Variants in SGCZ observed in about 807,000 individuals in gnomAD.
SGCZ encodes sarcoglycan zeta.
A neutral mutation model predicts 41.3 loss-of-function variants in SGCZ; 40 were observed. That is an observed-to-expected ratio of 0.97 (90% confidence interval 0.75 to 1.26). The LOEUF is 1.26. Among genes scored for constraint, SGCZ ranks in the 50% most tolerant of loss-of-function variants. The pLI, the probability that SGCZ is intolerant of heterozygous loss-of-function variation, is 0.00. For synonymous variants in SGCZ, 206 were observed against 137.5 expected (o/e 1.50, Z -3.49); for missense variants, 552 against 369.8 (o/e 1.49, Z -4.04).
In SGCZ at chr8:14,651,905, A is replaced by G. The variant is rs550923306; in HGVS notation, c.40-96979T>C. The stretch of plus-strand genomic sequence containing the variant: ...GAGAGTCAGCATATTGTTCTGGGGG[A>G]AAAAAAGTATATCTTTGTGCTAAGA... On this transcript the variant is annotated intron_variant, in intron 1 of 7. Coordinates refer to ENST00000382080, the MANE Select transcript of SGCZ (RefSeq NM_139167.4). Among the ~76,000 whole-genome samples, 12 of 151,910 alleles carry G rather than the reference A, an allele frequency of 7.9e-5. No homozygotes were observed. The East Asian group carries it at 1.2e-3, about 15-fold the overall frequency.
intron 2 of SGCZ, among the ~76,000 whole-genome samples, chr8:14,527,454 C>T (rs749363244): frequency 2.6e-5 from 4 of 152,076 alleles, no homozygotes; most frequent in Non-Finnish European, 5.9e-5. Context: ...GATGTTGCCA[C>T]CACACCCTTG....
intron 2 of SGCZ, among the ~76,000 whole-genome samples, chr8:14,332,997 T>C (rs2117056062): frequency 6.6e-6 from 1 of 151,514 alleles, no homozygotes; most frequent in Middle Eastern, 3.4e-3. Context: ...AGCTATTCAA[T>C]CCAGTAGGAA....
chr8:15,062,329 T>C (rs1400905852), intron 1 of SGCZ, among the ~76,000 whole-genome samples: 4 of 152,186 alleles, frequency 2.6e-5, no homozygotes, highest in Non-Finnish European at 4.4e-5. Context: ...AAGCCTCTTC[T>C]TCTATTAAAA....
intron 2 of SGCZ, among the ~76,000 whole-genome samples, chr8:14,451,581 C>A (rs1024852666): frequency 6.6e-6 from 1 of 152,052 alleles, no homozygotes; most frequent in African/African-American, 2.4e-5. Flanking sequence ...AAAGTATTTG[C>A]AAAAGACAGA....
chr8:15,101,154 A>C (rs564595570), intron 1 of SGCZ, among the ~76,000 whole-genome samples: 1 of 152,326 alleles, frequency 6.6e-6, no homozygotes, highest in African/African-American at 2.4e-5. Flanking sequence ...CATCTAAAAA[A>C]TAATACAGGA....
intron 5 of SGCZ, among the ~76,000 whole-genome samples, chr8:14,136,536 C>G (rs966906149): frequency 2.0e-5 from 3 of 152,178 alleles, no homozygotes; most frequent in African/African-American, 7.2e-5. Context: ...ACCCAAAGAG[C>G]CTTGCTCACT....
Position 14,090,625 on chromosome 8 carries a change from C to A in SGCZ, c.757G>T (p.Ala253Ser). Residue 253 changes from alanine (A) to serine (S), a missense_variant, in exon 8 of 8, where the codon GCA becomes TCA. Coordinates refer to ENST00000382080, the MANE Select transcript of SGCZ (RefSeq NM_139167.4). ...AGATTTCCCAGCTTGATTGTCTCTG[C>A]ATTTAAAAATATCTATGGGAAAAAA... The part of the protein sequence containing the change: ...QSTEGEIFLN[A>S]ETIKLGNLPT... The A allele has an allele frequency of 6.2e-7, 1 of 1,608,158 alleles. No individual in the cohort carries two copies. The highest frequency in any genetic ancestry group is 8.5e-7 in the Non-Finnish European group (1 of 1,178,248).
At chr8:14,510,819 G>A (rs905159265) in intron 2 of SGCZ, among the ~76,000 whole-genome samples, 4 of 152,014 alleles carry the variant, frequency 2.6e-5, no homozygotes, top group African/African-American at 7.2e-5. Context: ...TAAATAAAAA[G>A]CTAAATAAGC....
intron 1 of SGCZ, among the ~76,000 whole-genome samples, chr8:15,018,125 A>C (rs1304200951): frequency 2.0e-5 from 3 of 152,110 alleles, no homozygotes; most frequent in African/African-American, 7.2e-5. Flanking sequence ...TTAATTATAC[A>C]TATTCTACCC....
At chr8:14,485,869 C>T (rs1313982278) in intron 2 of SGCZ, among the ~76,000 whole-genome samples, 1 of 115,396 alleles carries the variant, frequency 8.7e-6, no homozygotes, top group Non-Finnish European at 1.7e-5. Context: ...GAGTCTCGCT[C>T]TGTCGCCCAG....
At chr8:14,969,130 G>C (rs1431464953) in intron 1 of SGCZ, among the ~76,000 whole-genome samples, 3 of 152,106 alleles carry the variant, frequency 2.0e-5, no homozygotes, top group South Asian at 2.1e-4. Flanking sequence ...ACTAAAATGA[G>C]ATTGCCTGTC....
chr8:14,390,288 A>C (rs1804723504), intron 2 of SGCZ, among the ~76,000 whole-genome samples: 1 of 151,892 alleles, frequency 6.6e-6, no homozygotes, highest in Non-Finnish European at 1.5e-5. Flanking sequence ...ATTTGTTTCT[A>C]ATAAAATATT....
intron 1 of SGCZ, among the ~76,000 whole-genome samples, chr8:14,935,016 CAAA>C (rs35275361): frequency 1.0e-5 from 1 of 98,194 alleles, no homozygotes. Context: ...AGACAAAATG[CAAA>C]AAAAAAAAAA....
chr8:14,219,497 C>A (rs1263694606), intron 4 of SGCZ, among the ~76,000 whole-genome samples: 1 of 152,180 alleles, frequency 6.6e-6, no homozygotes, highest in African/African-American at 2.4e-5. Flanking sequence ...GCCTGTAATT[C>A]CAGCACTTTG....
At chr8:14,887,755 A>G (rs1373168847) in intron 1 of SGCZ, among the ~76,000 whole-genome samples, 2 of 152,178 alleles carry the variant, frequency 1.3e-5, no homozygotes, top group Non-Finnish European at 2.9e-5. Flanking sequence ...CTCACTAGAA[A>G]TGTATGAAAT....
chr8:14,862,318 A>G (rs1229669418), intron 1 of SGCZ, among the ~76,000 whole-genome samples: 1 of 151,890 alleles, frequency 6.6e-6, no homozygotes, highest in Non-Finnish European at 1.5e-5. Context: ...TACTTTGACC[A>G]GGAGTACAAC....
rs1360589373 is a variant in SGCZ at position 14,211,286 on chromosome 8, G to A, written c.424+26306C>T. 2.0e-5 allele frequency among the ~76,000 whole-genome samples: 3 copies of A among 152,042 alleles called. No individual in the cohort carries two copies. In the East Asian group the frequency reaches 5.8e-4, roughly 29 times the overall value. On this transcript the variant is annotated intron_variant, in intron 4 of 7. Coordinates refer to ENST00000382080, the MANE Select transcript of SGCZ (RefSeq NM_139167.4). ...ATCCCAGTGTCCGGGTACTGCAGAT[G>A]GGTGTCTCCTCCACTCATGAACTCT...
chr8:14,306,913 T>C (rs1801369835), intron 3 of SGCZ, among the ~76,000 whole-genome samples: 1 of 152,168 alleles, frequency 6.6e-6, no homozygotes, highest in Non-Finnish European at 1.5e-5. Flanking sequence ...AGACAGAAAA[T>C]GATACTTTAT....
chr8:14,182,715 T>G (rs2117026787), intron 4 of SGCZ, among the ~76,000 whole-genome samples: 1 of 152,172 alleles, frequency 6.6e-6, no homozygotes, highest in East Asian at 1.9e-4. Context: ...GCAATAAAAC[T>G]GACTAATGTA....
Sources: gnomAD v4.1 joint callset for allele counts (sites outside exome capture counted in the v4.1 genomes callset) on GRCh38, gnomAD v4.1.1 for gene constraint, MANE v1.5 for transcripts, NCBI Gene and HGNC (gene_info 2026-07-23, HGNC 2026-07-21) for gene names.